MAPKBP1: variants seen among roughly 807,000 people sequenced by gnomAD.
MAPKBP1 encodes mitogen-activated protein kinase-binding protein 1.
MAPKBP1 carries 71 observed loss-of-function variants against 170.5 expected under a neutral mutation model. The observed-to-expected ratio is 0.42, with a 90% CI of 0.34 to 0.51. The LOEUF (loss-of-function observed/expected upper bound fraction) is 0.51. Ranked by LOEUF, MAPKBP1 falls within the 20% of genes least tolerant of loss-of-function variation. MAPKBP1 has a pLI of 0.06. For synonymous variants in MAPKBP1, 719 were observed against 757.9 expected (o/e 0.95, Z 0.84); for missense variants, 1,598 against 1,933.0 (o/e 0.83, Z 3.25).
intron 2 of MAPKBP1, among the ~76,000 whole-genome samples, chr15:41,785,765 G>A (rs1186175339): frequency 1.3e-5 from 2 of 152,192 alleles, no homozygotes; most frequent in Non-Finnish European, 2.9e-5. Flanking sequence ...AGATATAGGT[G>A]CAATCATACC....
intron 10 of MAPKBP1, 93 bp downstream of exon 10, chr15:41,814,832 G>A (rs1384542486): frequency 3.5e-6 from 5 of 1,444,782 alleles, no homozygotes; most frequent in Non-Finnish European, 3.8e-6. Flanking sequence ...TATAATCTTA[G>A]ATTCCTGCTG....
In MAPKBP1 at chr15:41,823,842, C is replaced by T. The variant is rs751805861; in HGVS notation, c.3994C>T (p.His1332Tyr). 1.9e-6 allele frequency: 3 copies of T among 1,614,084 alleles called. No homozygotes were observed. The highest frequency in any genetic ancestry group is 1.3e-5 in the African/African-American group (1 of 74,932). ...PGFPVGLGKAHSTTERWACLG... is the reference protein window; with the variant it reads ...PGFPVGLGKAYSTTERWACLG... ...CTTCCCGGTGGGCCTAGGAAAAGCT[C>T]ACAGTACAACTGAGAGATGGGCCTG... is the stretch of plus-strand genomic sequence containing the variant. The change falls in exon 29 of 31, where the codon CAC (histidine) becomes TAC (tyrosine). Residue 1332 changes from histidine to tyrosine, a missense_variant. Around this residue, in one of 6 missense-constraint regions of MAPKBP1, gnomAD observed 942 missense variants for 953.2 expected, o/e 0.99. Coordinates refer to ENST00000457542, the MANE Select transcript of MAPKBP1 (RefSeq NM_014994.3).
At chr15:41,806,196 G>A (rs79547303) in intron 3 of MAPKBP1, among the ~76,000 whole-genome samples, 1 of 152,220 alleles carries the variant, frequency 6.6e-6, no homozygotes, top group South Asian at 2.1e-4. Flanking sequence ...CCCAGTGTAA[G>A]TTATAAGCGT....
chr15:41,782,292 A>G (rs1310712522), intron 2 of MAPKBP1, among the ~76,000 whole-genome samples: 3 of 151,686 alleles, frequency 2.0e-5, no homozygotes, highest in Non-Finnish European at 1.5e-5. Flanking sequence ...GAAATACAAC[A>G]GACATTAAGA....
At chr15:41,811,316 CT>C (rs1340037827) in intron 5 of MAPKBP1, 81 bp downstream of exon 5, 3 of 1,503,984 alleles carry the variant, frequency 2.0e-6, no homozygotes, top group Non-Finnish European at 2.8e-6. Flanking sequence ...CCTAGGCCTG[CT>C]GTCACTTTGG....
rs781140548 is a variant in MAPKBP1 at position 41,775,440 on chromosome 15, A to G, written c.114+51A>G. The G allele has an allele frequency of 3.2e-5, 43 of 1,343,202 alleles. 1 individual carries two copies. In the Admixed American group the frequency reaches 6.6e-4, roughly 20 times the overall value. 83.2% of individuals were successfully genotyped at this position (1,343,202 alleles called of 1,614,324 possible). A position where few individuals can be genotyped will look rare whatever the true frequency, so the allele number is the denominator to read the frequency against. ...TTCCAAACCCACCCTCTCCTGCTCC[A>G]TGTTCCTCGTTAACCTTCCTGTTTC... is the stretch of plus-strand genomic sequence containing the variant. On this transcript the variant is annotated intron_variant, in intron 2 of 30. Coordinates refer to ENST00000457542, the MANE Select transcript of MAPKBP1 (RefSeq NM_014994.3).
rs934477028 is a variant in MAPKBP1 at position 41,774,528 on chromosome 15, G to A, written c.-192G>A. 2.5e-6 allele frequency: 1 copy of A among 398,634 alleles called. No homozygotes were observed. The highest frequency in any genetic ancestry group is 3.6e-5 in the East Asian group (1 of 28,072). 24.7% of individuals were successfully genotyped at this position (398,634 alleles called of 1,614,324 possible). A position where few individuals can be genotyped will look rare whatever the true frequency, so the allele number is the denominator to read the frequency against. On this transcript the variant is annotated 5_prime_UTR_variant, in exon 1 of 31. Coordinates refer to ENST00000457542, the MANE Select transcript of MAPKBP1 (RefSeq NM_014994.3). ...AGCTCCTGCTGCTGCCTCTACCGCT[G>A]CGGCTACCGCGGCGGAGCTGAAATT...
chr15:41,795,661 C>G (rs1028827515), intron 2 of MAPKBP1, among the ~76,000 whole-genome samples: 1 of 152,112 alleles, frequency 6.6e-6, no homozygotes, highest in African/African-American at 2.4e-5. Flanking sequence ...GGCTGGAGTG[C>G]AGTGGTGCAA....
At position 41,822,311 on chromosome 15, in the gene MAPKBP1, G is replaced by A. The variant is rs767034782; in HGVS notation, c.3118G>A (p.Glu1040Lys). Residue 1040 changes from glutamate to lysine, a missense_variant, in exon 26 of 31, where the codon GAG becomes AAG. Transcript: ENST00000457542. ...TGAGGGTGATGAAGAAGAGGAAGAA[G>A]AGGAGGGAGGCATGGGCCCCTATGG... ...PAEGDEEEEE[E>K]EGGMGPYGLQ... 6.2e-7 allele frequency: 1 copy of A among 1,614,092 alleles called. No homozygotes were observed. The highest frequency in any genetic ancestry group is 1.1e-5 in the South Asian group (1 of 91,090).
intron 7 of MAPKBP1, 67 bp from the exon 8 acceptor site, chr15:41,812,852 C>G: frequency 6.5e-7 from 1 of 1,532,176 alleles, no homozygotes; most frequent in South Asian, 1.3e-5. Context: ...CTGTACTCTC[C>G]TAGGGCCCAG....
rs1684472401 is a variant in MAPKBP1, at chr15:41,827,809, G to C, written c.*2373G>C. 1 of 307,662 alleles carries C rather than the reference G, an allele frequency of 3.3e-6. No individual in the cohort carries two copies. Among genetic ancestry groups the C allele is most frequent in the Non-Finnish European group, 6.0e-6 (1 of 167,504 alleles). 19.1% of individuals were successfully genotyped at this position (307,662 alleles called of 1,614,324 possible). On this transcript the variant is annotated 3_prime_UTR_variant, in exon 31 of 31. Transcript: ENST00000457542. ...CGGGGGCGCTGTTTTTAACGTGCCCGTTTGTACTGATGTATGAACTTGTCA... is the reference window on the plus strand; with the variant it reads ...CGGGGGCGCTGTTTTTAACGTGCCCCTTTGTACTGATGTATGAACTTGTCA...
intron 2 of MAPKBP1, among the ~76,000 whole-genome samples, chr15:41,783,473 T>C (rs1596062928): frequency 6.6e-6 from 1 of 152,232 alleles, no homozygotes; most frequent in Non-Finnish European, 1.5e-5. Flanking sequence ...GTGGCCATGC[T>C]GGCTCCAGGT....
chr15:41,785,713 ATTT>A (rs916443414), intron 2 of MAPKBP1, among the ~76,000 whole-genome samples: 2 of 151,752 alleles, frequency 1.3e-5, no homozygotes, highest in African/African-American at 4.8e-5. Context: ...CTATTAAAAA[ATTT>A]TTTTTTGCTT....
At position 41,818,840 on chromosome 15, in the gene MAPKBP1, G is replaced by A. The variant is rs776066473; in HGVS notation, c.2174G>A (p.Arg725His). The stretch of plus-strand genomic sequence containing the variant: ...TACCCCAGCTGCATATTTGTGTGGC[G>A]CCTGAGCTCTGAGATGACCATCAGC... ...VSGDSCIFVW[R>H]LSSEMTISMR... The change falls in exon 20 of 31, where the codon CGC becomes CAC. Residue 725 changes from arginine (R) to histidine (H), a missense_variant. By Grantham distance (29) the Arg-to-His change is conservative. This residue lies in a region of MAPKBP1 where 63 missense variants were observed against 115.2 expected (regional missense o/e 0.55). Transcript: ENST00000457542. The surrounding 1 kb of genome is among the most constrained non-coding windows in gnomAD (Gnocchi z 5.2). 11 of 1,614,140 alleles carry A rather than the reference G, an allele frequency of 6.8e-6. No individual in the cohort carries two copies. The highest frequency in any genetic ancestry group is 5.5e-5 in the South Asian group (5 of 91,088).
chr15:41,813,735 C>G lies in MAPKBP1; in HGVS notation c.934C>G (p.Arg312Gly). ...CCTGCACTTCCTTAGCACCTTGCCC[C>G]GACCCCATGCTCTGGGGACAGACAT... is the stretch of plus-strand genomic sequence containing the variant. Reference protein sequence around the residue: ...SNLHFLSTLPRPHALGTDIAS... With the variant: ...SNLHFLSTLPGPHALGTDIAS... The change falls in exon 9 of 31, where the codon CGA (arginine) becomes GGA (glycine). Residue 312 changes from arginine (R) to glycine (G), a missense_variant. Around this residue, in one of 6 missense-constraint regions of MAPKBP1, gnomAD observed 430 missense variants for 617.2 expected, o/e 0.70. Transcript: ENST00000457542. 2 of 1,612,238 alleles carry G rather than the reference C, an allele frequency of 1.2e-6. No individual in the cohort carries two copies. The highest frequency in any genetic ancestry group is 1.7e-6 in the Non-Finnish European group (2 of 1,179,238).
At chr15:41,785,678 A>G (rs1259242300) in intron 2 of MAPKBP1, among the ~76,000 whole-genome samples, 1 of 152,176 alleles carries the variant, frequency 6.6e-6, no homozygotes, top group African/African-American at 2.4e-5. Flanking sequence ...TTAAGTTTCT[A>G]ATGTTGTGAC....
At chr15:41,779,080 C>T (rs962942262) in intron 2 of MAPKBP1, among the ~76,000 whole-genome samples, 6 of 152,076 alleles carry the variant, frequency 3.9e-5, no homozygotes, top group Non-Finnish European at 8.8e-5. Flanking sequence ...TGTGGTGGTA[C>T]TTCGAGCCTT....
At chr15:41,814,788 A>G (rs906556156) in intron 10 of MAPKBP1, 49 bp downstream of exon 10, 1 of 1,600,602 alleles carries the variant, frequency 6.2e-7, no homozygotes, top group Non-Finnish European at 8.5e-7. Flanking sequence ...TGGCTGGGAT[A>G]CCATTTTGAG....
rs371203749 is a variant in MAPKBP1 at position 41,825,402 on chromosome 15, G to C, written c.4493G>C (p.Arg1498Pro). Residue 1498 changes from arginine to proline, a missense_variant, in exon 31 of 31, where the codon CGA (arginine) becomes CCA (proline). Physicochemically the swap from Arg to Pro is moderately radical, Grantham distance 103. This residue lies in a region of MAPKBP1 where 942 missense variants were observed against 953.2 expected (regional missense o/e 0.99). Coordinates refer to ENST00000457542, the MANE Select transcript of MAPKBP1 (RefSeq NM_014994.3). Reference protein sequence around the residue: ...LLEQYSELLLRAVERRMERKL With the variant: ...LLEQYSELLLPAVERRMERKL ...GAGCAATACTCAGAACTGTTGCTTC[G>C]AGCCGTGGAACGGCGTATGGAACGC... is the stretch of plus-strand genomic sequence containing the variant. 3 of 1,612,732 alleles carry C rather than the reference G, an allele frequency of 1.9e-6. No individual in the cohort carries two copies. The highest frequency in any genetic ancestry group is 1.7e-5 in the Admixed American group (1 of 59,988).
Sources: allele counts gnomAD v4.1 joint callset (sites outside exome capture counted in the v4.1 genomes callset), GRCh38; gene constraint gnomAD v4.1.1; regional missense constraint gnomAD v4.1.1; non-coding constraint Gnocchi (gnomAD v3.1); transcripts MANE v1.5; gene names NCBI Gene and HGNC (gene_info 2026-07-23, HGNC 2026-07-21).